Variants in SUSD4 observed in about 807,000 individuals in gnomAD.
SUSD4 encodes the protein sushi domain-containing protein 4.
Under a neutral mutation model 50.5 loss-of-function variants are expected in SUSD4, and 41 were observed. The ratio of observed to expected loss-of-function variants is 0.81; its 90% confidence interval spans 0.63 to 1.05. The LOEUF is 1.05. Ranked by LOEUF, SUSD4 falls within the 50% of genes least tolerant of loss-of-function variation. The pLI, the probability that SUSD4 is intolerant of heterozygous loss-of-function variation, is 0.00. For synonymous variants in SUSD4, 257 were observed against 257.3 expected (o/e 1.00, Z 0.01); for missense variants, 580 against 634.7 (o/e 0.91, Z 0.93).
intron 5 of SUSD4, among the ~76,000 whole-genome samples, chr1:223,246,915 G>T (rs145118686): frequency 2.6e-5 from 4 of 152,182 alleles, no homozygotes; most frequent in Non-Finnish European, 5.9e-5. Context: ...AGGGCATGGG[G>T]CAGGGGAAGC....
chr1:223,331,908 C>T (rs933815382), intron 2 of SUSD4, among the ~76,000 whole-genome samples: 1 of 152,206 alleles, frequency 6.6e-6, no homozygotes, highest in Admixed American at 6.5e-5. Flanking sequence ...GTATTGCAAA[C>T]AACAGCGAGA....
At chr1:223,278,189 T>A (rs1476153689) in intron 3 of SUSD4, among the ~76,000 whole-genome samples, 2 of 152,124 alleles carry the variant, frequency 1.3e-5, no homozygotes, top group African/African-American at 4.8e-5. Context: ...ACCAGGTTCA[T>A]CACACTGGGG....
intron 5 of SUSD4, among the ~76,000 whole-genome samples, chr1:223,234,217 G>A (rs924254597): frequency 2.6e-5 from 4 of 152,198 alleles, no homozygotes; most frequent in Admixed American, 1.3e-4. Context: ...GCTGGATGGG[G>A]CTGCTATAAG....
intron 2 of SUSD4, among the ~76,000 whole-genome samples, chr1:223,320,589 G>A (rs1666516573): frequency 6.6e-6 from 1 of 152,140 alleles, no homozygotes; most frequent in African/African-American, 2.4e-5. Flanking sequence ...TTCCTTGAGT[G>A]GAACAGAGCA....
rs750594416 is a variant in SUSD4, at chr1:223,229,360, G to A, written c.753C>T (p.His251=). Residue 251 remains histidine (H), a synonymous_variant, in exon 6 of 9, where the codon CAC becomes CAT. Coordinates refer to ENST00000366878, the MANE Select transcript of SUSD4 (RefSeq NM_017982.4). This position sits in a 1 kb window ranked among gnomAD's most constrained non-coding sequence, Gnocchi z 4.7. ...GCCGCGGGTGGCAGACGAAATCTCC[G>A]TGACTCACCATTGGAGGTAGTGGAC... is the stretch of plus-strand genomic sequence containing the variant. ...EVCPLPPMVS[H]GDFVCHPRPC... 4.4e-6 allele frequency: 7 copies of A among 1,603,596 alleles called. No individual in the cohort carries two copies. The highest frequency in any genetic ancestry group is 1.3e-5 in the African/African-American group (1 of 74,868).
intron 2 of SUSD4, chr1:223,359,089 C>T: frequency 2.1e-6 from 1 of 471,068 alleles, no homozygotes. Context: ...GCAGAGAGGG[C>T]CGCTGGACCA....
chr1:223,331,286 G>A (rs1667157104), intron 2 of SUSD4, among the ~76,000 whole-genome samples: 2 of 152,178 alleles, frequency 1.3e-5, no homozygotes, highest in Non-Finnish European at 2.9e-5. Context: ...AGTTCACAAG[G>A]TGTTTTCACA....
intron 5 of SUSD4, among the ~76,000 whole-genome samples, chr1:223,248,952 C>T (rs77041027): frequency 1.3e-5 from 2 of 151,932 alleles, no homozygotes; most frequent in African/African-American, 2.4e-5. Flanking sequence ...GGTGCAAACC[C>T]GTGATTTCCT....
chr1:223,226,311 C>T (rs1659510765), intron 7 of SUSD4, among the ~76,000 whole-genome samples: 1 of 152,220 alleles, frequency 6.6e-6, no homozygotes, highest in Admixed American at 6.5e-5. Context: ...TTAGCAAGAG[C>T]TTGCTATGGC....
At chr1:223,290,778 G>A (rs538058616) in intron 3 of SUSD4, among the ~76,000 whole-genome samples, 6 of 152,148 alleles carry the variant, frequency 3.9e-5, no homozygotes, top group South Asian at 2.1e-4. Flanking sequence ...CCATGACTAC[G>A]TAGTACCTAG....
intron 2 of SUSD4, among the ~76,000 whole-genome samples, chr1:223,344,774 C>A (rs771728202): frequency 6.6e-6 from 1 of 152,246 alleles, no homozygotes; most frequent in Non-Finnish European, 1.5e-5. Context: ...CCAAGCAGGC[C>A]GCCCTAACAT....
At chr1:223,286,216 T>C (rs948245520) in intron 3 of SUSD4, among the ~76,000 whole-genome samples, 1 of 152,102 alleles carries the variant, frequency 6.6e-6, no homozygotes, top group Non-Finnish European at 1.5e-5. Flanking sequence ...CCTGGGTTCA[T>C]GCCATTCTCC....
At chr1:223,343,755 T>G (rs1317913679) in intron 2 of SUSD4, among the ~76,000 whole-genome samples, 1 of 152,208 alleles carries the variant, frequency 6.6e-6, no homozygotes, top group African/African-American at 2.4e-5. Context: ...TAGCTGCTTT[T>G]AATAAGGGAA....
intron 5 of SUSD4, among the ~76,000 whole-genome samples, chr1:223,253,158 C>A (rs117748582): frequency 6.6e-6 from 1 of 151,468 alleles, no homozygotes; most frequent in Admixed American, 6.6e-5. Context: ...AACAAACTGG[C>A]CAGAATGTAA....
chr1:223,241,148 G>A (rs1362659217), intron 5 of SUSD4, among the ~76,000 whole-genome samples: 1 of 152,186 alleles, frequency 6.6e-6, no homozygotes, highest in African/African-American at 2.4e-5. Flanking sequence ...TTTTGGCTGT[G>A]GTTAGCAAGT....
At chr1:223,337,889 G>GGT (rs2103290623) in intron 2 of SUSD4, among the ~76,000 whole-genome samples, 1 of 152,348 alleles carries the variant, frequency 6.6e-6, no homozygotes, top group South Asian at 2.1e-4. Context: ...CTCAGGGTCT[G>GGT]ACAACTGGAG....
At chr1:223,262,238 C>T (rs1662174149) in intron 5 of SUSD4, among the ~76,000 whole-genome samples, 1 of 152,164 alleles carries the variant, frequency 6.6e-6, no homozygotes, top group Non-Finnish European at 1.5e-5. Context: ...AGAAAGACTT[C>T]CACAGCAGAA....
chr1:223,312,866 T>A (rs151069402), intron 2 of SUSD4, among the ~76,000 whole-genome samples: 419 of 152,278 alleles, frequency 2.8e-3, no homozygotes, highest in African/African-American at 8.6e-3. Flanking sequence ...ATTTCCAGCG[T>A]AGGAACACAG....
chr1:223,268,816 G>T, intron 3 of SUSD4, 141 bp from the exon 4 acceptor site: 1 of 854,294 alleles, frequency 1.2e-6, no homozygotes, highest in Non-Finnish European at 1.8e-6. Flanking sequence ...TTGTCACTAG[G>T]CTCAGGTGCC....
Sources: gnomAD v4.1 joint callset for allele counts (sites outside exome capture counted in the v4.1 genomes callset) on GRCh38, gnomAD v4.1.1 for gene constraint, Gnocchi (gnomAD v3.1) non-coding constraint, MANE v1.5 for transcripts, NCBI Gene and HGNC (gene_info 2026-07-23, HGNC 2026-07-21) for gene names.